Variants in SORCS2 observed in about 807,000 individuals in gnomAD.
The protein encoded by SORCS2 is sortilin related VPS10 domain containing receptor 2.
SORCS2 carries 100 observed loss-of-function variants against 141.6 expected under a neutral mutation model. The ratio of observed to expected loss-of-function variants is 0.71; its 90% CI spans 0.60 to 0.83. SORCS2 has a LOEUF of 0.83. Among genes scored for constraint, SORCS2 ranks in the 40% least tolerant of loss-of-function variants. The pLI is 0.00. For synonymous variants in SORCS2, 789 were observed against 676.9 expected (o/e 1.17, Z -2.57); for missense variants, 1,646 against 1,560.2 (o/e 1.05, Z -0.93).
rs1032318671 is a variant in SORCS2 at position 7,740,619 on chromosome 4, C to T, written c.*355C>T. 16 of 350,178 alleles carry T rather than the reference C, an allele frequency of 4.6e-5. No individual in the cohort carries two copies. The highest frequency in any genetic ancestry group is 3.3e-4 in the South Asian group (7 of 21,078). The allele number at this position is 350,178 out of a possible 1,614,324, so 21.7% of individuals were successfully genotyped here. On this transcript the variant is annotated 3_prime_UTR_variant, in exon 27 of 27. Coordinates refer to ENST00000507866, the MANE Select transcript of SORCS2 (RefSeq NM_020777.3). ...TCGTCCTGGAGCCCTCCCAGTACCT[C>T]GGGCTGCAAGAGCTGCAGACCCGTT... is the stretch of plus-strand genomic sequence containing the variant.
At chr4:7,274,203 C>A (rs555387359) in intron 1 of SORCS2, among the ~76,000 whole-genome samples, 2 of 152,230 alleles carry the variant, frequency 1.3e-5, no homozygotes, top group Non-Finnish European at 2.9e-5. Context: ...GAACCCCTTT[C>A]CCCATAGGCA....
intron 1 of SORCS2, among the ~76,000 whole-genome samples, chr4:7,230,545 C>A (rs77154562): frequency 0.23 from 29,644 of 128,082 alleles, 2,211 homozygotes; most frequent in Non-Finnish European, 0.31. Flanking sequence ...AGTGTCTGGG[C>A]AGGAGTAGTG....
chr4:7,363,049 C>G (rs1488464308), intron 1 of SORCS2, among the ~76,000 whole-genome samples: 1 of 150,130 alleles, frequency 6.7e-6, no homozygotes, highest in Non-Finnish European at 1.5e-5. Context: ...ACATCATCAC[C>G]ACCACCACCA....
chr4:7,489,566 G>A (rs527997885), intron 2 of SORCS2, among the ~76,000 whole-genome samples: 1 of 152,042 alleles, frequency 6.6e-6, no homozygotes, highest in Non-Finnish European at 1.5e-5. Context: ...TCTGGTATCT[G>A]GATATCTGTA....
chr4:7,272,858 G>T (rs948323780), intron 1 of SORCS2, among the ~76,000 whole-genome samples: 1 of 152,268 alleles, frequency 6.6e-6, no homozygotes, highest in Admixed American at 6.5e-5. Flanking sequence ...GAGCATTCCT[G>T]CTCCAACTTT....
intron 3 of SORCS2, among the ~76,000 whole-genome samples, chr4:7,609,985 ATGTC>A (rs1252881577): frequency 6.6e-6 from 1 of 152,164 alleles, no homozygotes; most frequent in African/African-American, 2.4e-5. Context: ...GCGCCAGTGA[ATGTC>A]TGACCGTAAT....
intron 2 of SORCS2, among the ~76,000 whole-genome samples, chr4:7,463,769 C>T (rs1026054511): frequency 3.3e-5 from 5 of 152,322 alleles, no homozygotes; most frequent in South Asian, 2.1e-4. Flanking sequence ...TGCATACTAA[C>T]GGCCCTGATT....
chr4:7,531,783 C>T (rs1711675547), intron 3 of SORCS2, among the ~76,000 whole-genome samples, 154 bp downstream of exon 3: 1 of 152,278 alleles, frequency 6.6e-6, no homozygotes, highest in Admixed American at 6.5e-5. Flanking sequence ...TGCCACCCTT[C>T]CCGGTGCTAC....
chr4:7,305,603 G>A (rs1460196012), intron 1 of SORCS2, among the ~76,000 whole-genome samples: 1 of 152,152 alleles, frequency 6.6e-6, no homozygotes, highest in East Asian at 1.9e-4. Flanking sequence ...GCATCTCAGG[G>A]GCTTAGTGTG....
At chr4:7,619,360 C>G (rs1718991199) in intron 3 of SORCS2, among the ~76,000 whole-genome samples, 1 of 152,170 alleles carries the variant, frequency 6.6e-6, no homozygotes, top group African/African-American at 2.4e-5. Context: ...CCAGTAAGTC[C>G]AGGGAGCAGA....
At chr4:7,449,743 G>A (rs1019159379) in intron 2 of SORCS2, among the ~76,000 whole-genome samples, 2 of 152,086 alleles carry the variant, frequency 1.3e-5, no homozygotes, top group African/African-American at 4.8e-5. Flanking sequence ...AGTCTGTGCT[G>A]TCTCCAGCCA....
intron 1 of SORCS2, among the ~76,000 whole-genome samples, chr4:7,388,810 C>G (rs150236425): frequency 6.6e-6 from 1 of 152,166 alleles, no homozygotes; most frequent in African/African-American, 2.4e-5. Flanking sequence ...CACAGGTGCC[C>G]GGGGCTGCCT....
chr4:7,353,298 G>A (rs956682884), intron 1 of SORCS2, among the ~76,000 whole-genome samples: 14 of 152,352 alleles, frequency 9.2e-5, no homozygotes, highest in Admixed American at 3.9e-4. Context: ...AAGTGGGCTG[G>A]CAGGGATTCT....
chr4:7,618,076 C>A (rs187358537), intron 3 of SORCS2, among the ~76,000 whole-genome samples: 6 of 152,218 alleles, frequency 3.9e-5, no homozygotes, highest in Admixed American at 1.3e-4. Flanking sequence ...TCTCCTGCTG[C>A]CCCATGACAC....
chr4:7,682,722 CT>C lies in SORCS2; in HGVS notation c.1342-19del. On this transcript the variant is annotated intron_variant, in intron 9 of 26. Transcript: ENST00000507866. Reference sequence around the variant, plus strand: ...AGTGCTCCAGTGTAAGTTTACAGTCCTTCTTTTATTTTTGTCCCAGGTCAGA... The same window carrying C: ...AGTGCTCCAGTGTAAGTTTACAGTCCTCTTTTATTTTTGTCCCAGGTCAGA... 1 of 1,596,684 alleles carries C rather than the reference CT, an allele frequency of 6.3e-7. No individual in the cohort carries two copies. The highest frequency in any genetic ancestry group is 8.5e-7 in the Non-Finnish European group (1 of 1,171,336).
At chr4:7,701,336 C>T (rs1297626735) in intron 12 of SORCS2, among the ~76,000 whole-genome samples, 1 of 152,132 alleles carries the variant, frequency 6.6e-6, no homozygotes, top group African/African-American at 2.4e-5. Flanking sequence ...CATCATTTTT[C>T]ATAAGGATCC....
chr4:7,612,939 C>T (rs542494763), intron 3 of SORCS2, among the ~76,000 whole-genome samples: 3 of 87,752 alleles, frequency 3.4e-5, no homozygotes, highest in Admixed American at 1.1e-4. Context: ...CGCCATTCTT[C>T]GAGCCGGGCA....
intron 25 of SORCS2, among the ~76,000 whole-genome samples, chr4:7,734,853 C>T (rs1435197206): frequency 6.6e-6 from 1 of 152,244 alleles, no homozygotes; most frequent in Non-Finnish European, 1.5e-5. Context: ...AGCTGCTGAG[C>T]TTCCTGCCAG....
At chr4:7,350,614 G>A (rs1041471572) in intron 1 of SORCS2, among the ~76,000 whole-genome samples, 10 of 152,210 alleles carry the variant, frequency 6.6e-5, no homozygotes, top group African/African-American at 2.2e-4. Context: ...CAGGACTCCC[G>A]GCAGGCGGCA....
Sources: gnomAD v4.1 joint callset for allele counts (sites outside exome capture counted in the v4.1 genomes callset) on GRCh38, gnomAD v4.1.1 for gene constraint, MANE v1.5 for transcripts, NCBI Gene and HGNC (gene_info 2026-07-23, HGNC 2026-07-21) for gene names.